The following NLRP3 variants were observed in gnomAD, a reference collection of about 807,000 sequenced individuals.
The protein encoded by NLRP3 is NACHT, LRR and PYD domains-containing protein 3.
A neutral mutation model predicts 91.3 loss-of-function variants in NLRP3; 48 were observed. That is an observed-to-expected ratio of 0.53 (90% CI 0.42 to 0.67). NLRP3 has a LOEUF of 0.67. Among genes scored for constraint, NLRP3 ranks in the 30% least tolerant of loss-of-function variants. The probability of loss-of-function intolerance (pLI) is 0.00; values close to 1 mark genes in which losing one functional copy is unlikely to be tolerated. For synonymous variants in NLRP3, 561 were observed against 507.9 expected, an observed-to-expected ratio of 1.10 and a Z score of -1.41; for missense variants, 982 against 1,276.9, an observed-to-expected ratio of 0.77 and a Z score of 3.52.
chr1:247,448,816 T>G lies in NLRP3; in HGVS notation c.*312T>G. The G allele has an allele frequency of 2.7e-6, 1 of 376,292 alleles. No individual in the cohort carries two copies. The highest frequency in any genetic ancestry group is 5.0e-6 in the Non-Finnish European group (1 of 201,246). The allele number at this position is 376,292 out of a possible 1,614,324, so 23.3% of individuals were successfully genotyped here. A position where few individuals can be genotyped will look rare whatever the true frequency, so the allele number is the denominator to read the frequency against. On this transcript the variant is annotated 3_prime_UTR_variant, in exon 10 of 10. Transcript: ENST00000336119. Reference sequence around the variant, plus strand: ...CATTCAATAAAGCACTTTCTTTATTTTTCTCTTCTCTGTCTAACTTTCTTT... The same window carrying G: ...CATTCAATAAAGCACTTTCTTTATTGTTCTCTTCTCTGTCTAACTTTCTTT...
Position 247,423,243 on chromosome 1 carries a change from A to G in NLRP3, c.291A>G (p.Ala97=), listed in dbSNP as rs199475729. 85 of 1,613,892 alleles carry G rather than the reference A, an allele frequency of 5.3e-5. 1 individual carries two copies. In the East Asian group the frequency reaches 1.9e-3, roughly 35 times the overall value. ...TTTCCCTTTTAGGTTCAGATAATGC[A>G]CGTGTTTCGAATCCCACTGTGATAT... ...RDEPKWGSDN[A]RVSNPTVICQ... Residue 97 remains alanine (A), a synonymous_variant, in exon 3 of 10, where the codon GCA becomes GCG. Coordinates refer to ENST00000336119, the MANE Select transcript of NLRP3 (RefSeq NM_001243133.2).
At position 247,418,865 on chromosome 1, in the gene NLRP3, A is replaced by T; in HGVS notation, c.65A>T (p.Lys22Ile). ...LEDLEDVDLK[K>I]FKMHLEDYPP... ...GACCTGGAGGATGTGGACTTGAAGA[A>T]ATTTAAGATGCACTTAGAGGACTAT... Residue 22 changes from lysine to isoleucine, a missense_variant, in exon 2 of 10, where the codon AAA becomes ATA. Transcript: ENST00000336119. 6.2e-7 allele frequency: 1 copy of T among 1,614,036 alleles called. No homozygotes were observed. Among genetic ancestry groups the T allele is most frequent in the Non-Finnish European group, 8.5e-7 (1 of 1,180,014 alleles).
Position 247,425,103 on chromosome 1 carries a change from C to A in NLRP3, c.1654C>A (p.Pro552Thr). Residue 552 changes from proline to threonine, a missense_variant, in exon 4 of 10, where the codon CCC (proline) becomes ACC (threonine). Coordinates refer to ENST00000336119, the MANE Select transcript of NLRP3 (RefSeq NM_001243133.2). This position sits in a 1 kb window ranked among gnomAD's most constrained non-coding sequence, Gnocchi z 4.1. ...TNVPGSRLKLPSRDVTVLLEN... is the reference protein window; with the variant it reads ...TNVPGSRLKLTSRDVTVLLEN... ...CGTTCCAGGGAGTCGTTTGAAGCTT[C>A]CCAGCCGAGACGTGACAGTCCTTCT... The A allele has an allele frequency of 6.2e-7, 1 of 1,613,366 alleles. No individual in the cohort carries two copies. The highest frequency in any genetic ancestry group is 8.5e-7 in the Non-Finnish European group (1 of 1,179,610).
intron 4 of NLRP3, among the ~76,000 whole-genome samples, chr1:247,426,122 G>A (rs1394447802): frequency 7.2e-5 from 11 of 152,208 alleles, no homozygotes; most frequent in African/African-American, 1.9e-4. Context: ...AGACTGGTAT[G>A]AGCCAAATCA....
rs201377872 is a variant in NLRP3 at position 247,424,803 on chromosome 1, C to T, written c.1354C>T (p.Arg452Trp). 3.1e-6 allele frequency: 5 copies of T among 1,609,268 alleles called. No individual in the cohort carries two copies. Among genetic ancestry groups the T allele is most frequent in the Non-Finnish European group, 4.2e-6 (5 of 1,179,992 alleles). Reference sequence around the variant, plus strand: ...CTTCCTTTCCAGTTTGCTGCAGCCCCGGGGAGGGAGCCAGGAGCACGGCCT... The same window carrying T: ...CTTCCTTTCCAGTTTGCTGCAGCCCTGGGGAGGGAGCCAGGAGCACGGCCT... The part of the protein sequence containing the change: ...VFFLSSLLQP[R>W]GGSQEHGLCA... The change falls in exon 4 of 10, where the codon CGG becomes TGG. Residue 452 changes from arginine (R) to tryptophan (W), a missense_variant. By Grantham distance (101) the Arg-to-Trp change is moderately radical. Coordinates refer to ENST00000336119, the MANE Select transcript of NLRP3 (RefSeq NM_001243133.2). The surrounding 1 kb of genome is among the most constrained non-coding windows in gnomAD (Gnocchi z 8.1).
chr1:247,448,351 C>T, intron 9 of NLRP3, 54 bp from the exon 10 acceptor site: 1 of 832,524 alleles, frequency 1.2e-6, no homozygotes, highest in South Asian at 1.3e-5. Context: ...AGGTTAACGA[C>T]TCTGACAGAG....
intron 7 of NLRP3, among the ~76,000 whole-genome samples, chr1:247,442,609 A>T (rs765088523): frequency 7.9e-5 from 12 of 152,190 alleles, no homozygotes; most frequent in Non-Finnish European, 2.9e-5. Flanking sequence ...AGAAGATGAG[A>T]CTAAAAGGTG....
rs1664193070 is a variant in NLRP3 at position 247,441,128 on chromosome 1, TC to T, written c.2664-2843del. ...TCCTTTCTTTCTCTCTTTTTCTTTTTCTCTTTCTTTCTTTCTTTCTCTCTCT... is the reference window on the plus strand; with the variant it reads ...TCCTTTCTTTCTCTCTTTTTCTTTTTTCTTTCTTTCTTTCTTTCTCTCTCT... On this transcript the variant is annotated intron_variant, in intron 7 of 9. Coordinates refer to ENST00000336119, the MANE Select transcript of NLRP3 (RefSeq NM_001243133.2). 1.5e-3 allele frequency among the ~76,000 whole-genome samples: 70 copies of T among 47,276 alleles called. 1 individual carries two copies. Among genetic ancestry groups the T allele is most frequent in the South Asian group, 0.014 (18 of 1,308 alleles). The allele number at this position is 47,276 out of a possible 152,430, so 31.0% of individuals were successfully genotyped here.
At chr1:247,433,858 T>C (rs115747660) in intron 5 of NLRP3, among the ~76,000 whole-genome samples, 1,494 of 132,986 alleles carry the variant, frequency 0.011, 41 homozygotes, top group African/African-American at 0.039. Context: ...GTCAGGTGTG[T>C]CCTGATGCTT....
chr1:247,421,338 C>A (rs1662443745), intron 2 of NLRP3, among the ~76,000 whole-genome samples: 1 of 152,002 alleles, frequency 6.6e-6, no homozygotes, highest in South Asian at 2.1e-4. Context: ...AGGTCAGAAA[C>A]CAGTTGCTGC....
Position 247,424,735 on chromosome 1 carries a change from G to C in NLRP3, c.1286G>C (p.Ser429Thr), listed in dbSNP as rs761390796. ...GLKQQMESGK[S>T]LAQTSKTTTA... ...AAACAGCAGATGGAGAGTGGCAAGA[G>C]CCTTGCCCAGACATCCAAGACCACC... Residue 429 changes from serine to threonine, a missense_variant, in exon 4 of 10, where the codon AGC becomes ACC. By Grantham distance (58) the Ser-to-Thr change is moderately conservative (BLOSUM62 1). This residue lies in a region of NLRP3 where 548 missense variants were observed against 713.7 expected (regional missense o/e 0.77). Transcript: ENST00000336119. This position sits in a 1 kb window ranked among gnomAD's most constrained non-coding sequence, Gnocchi z 8.1. 3 of 1,613,920 alleles carry C rather than the reference G, an allele frequency of 1.9e-6. No individual in the cohort carries two copies. The South Asian group carries it at 3.3e-5, about 18-fold the overall frequency.
chr1:247,440,172 C>T (rs185520753), intron 7 of NLRP3, among the ~76,000 whole-genome samples: 52 of 152,230 alleles, frequency 3.4e-4, no homozygotes, highest in African/African-American at 1.2e-3. Context: ...AACTTTGGGT[C>T]CTCATCTCTG....
Position 247,423,261 on chromosome 1 carries a change from T to C in NLRP3, c.309T>C (p.Thr103=), listed in dbSNP as rs199822721. The C allele has an allele frequency of 5.8e-5, 93 of 1,614,026 alleles. No individual in the cohort carries two copies. Among genetic ancestry groups the C allele is most frequent in the Non-Finnish European group, 7.3e-5 (86 of 1,180,010 alleles). Residue 103 remains threonine, a synonymous_variant, in exon 3 of 10, where the codon ACT becomes ACC. Coordinates refer to ENST00000336119, the MANE Select transcript of NLRP3 (RefSeq NM_001243133.2). ...GSDNARVSNP[T]VICQEDSIEE... ...ATAATGCACGTGTTTCGAATCCCAC[T>C]GTGATATGCCAGGAAGACAGCATTG...
At chr1:247,437,936 C>A (rs1245662663) in intron 7 of NLRP3, among the ~76,000 whole-genome samples, 1 of 152,198 alleles carries the variant, frequency 6.6e-6, no homozygotes, top group Non-Finnish European at 1.5e-5. Context: ...GGCGTAGGCA[C>A]TCAGGTGACT....
At position 247,444,107 on chromosome 1, in the gene NLRP3, A is replaced by G; in HGVS notation, c.2799A>G (p.Gly933=). 1 of 1,613,994 alleles carries G rather than the reference A, an allele frequency of 6.2e-7. No homozygotes were observed. Among genetic ancestry groups the G allele is most frequent in the Non-Finnish European group, 8.5e-7 (1 of 1,180,024 alleles). ...GDKGIKLLCE[G]LLHPDCKLQV... ...AGGGGATCAAACTACTCTGTGAGGGACTCTTGCACCCCGACTGCAAGCTTC... is the reference window on the plus strand; with the variant it reads ...AGGGGATCAAACTACTCTGTGAGGGGCTCTTGCACCCCGACTGCAAGCTTC... Residue 933 remains glycine, a synonymous_variant, in exon 8 of 10, where the codon GGA becomes GGG. Transcript: ENST00000336119.
chr1:247,440,197 A>T (rs1398792102), intron 7 of NLRP3, among the ~76,000 whole-genome samples: 1 of 152,126 alleles, frequency 6.6e-6, no homozygotes, highest in African/African-American at 2.4e-5. Flanking sequence ...CATATTGTGT[A>T]CTGCCTGTCT....
intron 2 of NLRP3, 35 bp from the exon 3 acceptor site, chr1:247,423,195 G>C: frequency 6.2e-7 from 1 of 1,613,612 alleles, no homozygotes; most frequent in South Asian, 1.1e-5. Flanking sequence ...TGTGATAATA[G>C]TTCTGGGTTT....
At chr1:247,423,816 C>A in intron 3 of NLRP3, 31 bp from the exon 4 acceptor site, 3 of 1,601,004 alleles carry the variant, frequency 1.9e-6, no homozygotes, top group Admixed American at 1.7e-5. Context: ...TGTGTGTATA[C>A]TTTCCCCCTA....
intron 2 of NLRP3, 38 bp from the exon 3 acceptor site, chr1:247,423,192 A>G: frequency 2.5e-6 from 4 of 1,613,448 alleles, no homozygotes; most frequent in African/African-American, 2.7e-5. Flanking sequence ...CTCTGTGATA[A>G]TAGTTCTGGG....
Sources: allele counts gnomAD v4.1 joint callset (sites outside exome capture counted in the v4.1 genomes callset), GRCh38; gene constraint gnomAD v4.1.1; regional missense constraint gnomAD v4.1.1; non-coding constraint Gnocchi (gnomAD v3.1); transcripts MANE v1.5; gene names NCBI Gene and HGNC (gene_info 2026-07-23, HGNC 2026-07-21).